The following GBE1 variants were observed in gnomAD, a reference collection of about 807,000 sequenced individuals.
The protein encoded by GBE1 is 1,4-alpha-glucan-branching enzyme.
A neutral mutation model predicts 88.8 loss-of-function variants in GBE1; 70 were observed. That is an observed-to-expected ratio of 0.79 (90% CI 0.65 to 0.96). The LOEUF is 0.96. GBE1 is among the 40% of genes least tolerant of loss of function. GBE1 has a pLI of 0.00. For synonymous variants in GBE1, 284 were observed against 300.1 expected, an observed-to-expected ratio of 0.95 and a Z score of 0.56; for missense variants, 872 against 871.0, an observed-to-expected ratio of 1.00 and a Z score of -0.01.
chr3:81,584,901 G>A (rs1703780868), intron 10 of GBE1, among the ~76,000 whole-genome samples: 1 of 151,916 alleles, frequency 6.6e-6, no homozygotes, highest in South Asian at 2.1e-4. Flanking sequence ...CTTTTAGCAG[G>A]AGGTTAAAAA....
At position 81,547,902 on chromosome 3, in the gene GBE1, C is replaced by T. The variant is rs139730389; in HGVS notation, c.1619-10807G>A. 3.0e-3 allele frequency among the ~76,000 whole-genome samples: 453 copies of T among 151,368 alleles called. 13 individuals carry two copies. The highest frequency in any genetic ancestry group is 5.6e-3 in the South Asian group (27 of 4,818). On this transcript the variant is annotated intron_variant, in intron 12 of 15. Coordinates refer to ENST00000429644, the MANE Select transcript of GBE1 (RefSeq NM_000158.4). ...GTTCAAAATGGCCCAGAAAACTGGT[C>T]GGTTACAAACTTCGCTGCAGGTCCC...
intron 15 of GBE1, among the ~76,000 whole-genome samples, chr3:81,493,049 T>A (rs1308877059): frequency 1.3e-5 from 2 of 152,166 alleles, no homozygotes; most frequent in African/African-American, 4.8e-5. Context: ...GTCTACATAT[T>A]TCATTTTGGG....
intron 12 of GBE1, among the ~76,000 whole-genome samples, chr3:81,576,807 G>A (rs899503196): frequency 1.3e-5 from 2 of 152,012 alleles, no homozygotes; most frequent in Non-Finnish European, 2.9e-5. Flanking sequence ...AAAGGTACAG[G>A]TAGTATACGT....
chr3:81,709,915 CTA>C (rs1159226277), intron 1 of GBE1, among the ~76,000 whole-genome samples: 1 of 152,100 alleles, frequency 6.6e-6, no homozygotes. Flanking sequence ...TATTTAAAAA[CTA>C]GGTCAAATTT....
chr3:81,660,559 C>T (rs918097310), intron 3 of GBE1, among the ~76,000 whole-genome samples: 4 of 151,882 alleles, frequency 2.6e-5, no homozygotes, highest in African/African-American at 9.7e-5. Context: ...GGGGAATATT[C>T]GTAAGATGAG....
rs138070815 is a variant in GBE1, at chr3:81,678,292, G to A, written c.314-7339C>T. 4.4e-3 allele frequency among the ~76,000 whole-genome samples: 667 copies of A among 152,150 alleles called. 8 individuals carry two copies. Among genetic ancestry groups the A allele is most frequent in the African/African-American group, 0.014 (601 of 41,500 alleles). ...CAAAGTAAAGTATTATAATCCTATG[G>A]GACCACCTTTGTACACGCAGTCCCT... On this transcript the variant is annotated intron_variant, in intron 2 of 15. Transcript: ENST00000429644.
chr3:81,515,548 C>G (rs1255699384), intron 14 of GBE1, among the ~76,000 whole-genome samples: 1 of 151,378 alleles, frequency 6.6e-6, no homozygotes, highest in Admixed American at 6.6e-5. Context: ...AATTAATAAC[C>G]CTACAATAGC....
intron 12 of GBE1, among the ~76,000 whole-genome samples, chr3:81,563,537 A>C (rs1444871092): frequency 6.6e-6 from 1 of 152,086 alleles, no homozygotes; most frequent in Admixed American, 6.6e-5. Context: ...TCAAGGCTAG[A>C]ATTAATGCCC....
At chr3:81,640,354 T>G (rs1316054077) in intron 7 of GBE1, among the ~76,000 whole-genome samples, 18 of 151,972 alleles carry the variant, frequency 1.2e-4, no homozygotes, top group Admixed American at 1.2e-3. Flanking sequence ...CTAGACTAGC[T>G]TAGTCTTCCA....
chr3:81,760,700 T>G (rs766623309), intron 1 of GBE1, among the ~76,000 whole-genome samples: 1 of 152,182 alleles, frequency 6.6e-6, no homozygotes, highest in Non-Finnish European at 1.5e-5. Flanking sequence ...TAAAACGACA[T>G]TGGCCTGTAA....
chr3:81,657,053 G>A (rs1237709970), intron 3 of GBE1, among the ~76,000 whole-genome samples: 2 of 151,176 alleles, frequency 1.3e-5, no homozygotes, highest in Admixed American at 1.3e-4. Context: ...CTACTCGGGA[G>A]GCTGAAACAG....
chr3:81,529,202 A>G (rs1036303779), intron 14 of GBE1, among the ~76,000 whole-genome samples: 1 of 152,058 alleles, frequency 6.6e-6, no homozygotes, highest in African/African-American at 2.4e-5. Flanking sequence ...CTTAACTATG[A>G]TTGCAAAAAC....
At chr3:81,687,856 G>T (rs1316992820) in intron 2 of GBE1, among the ~76,000 whole-genome samples, 4 of 152,146 alleles carry the variant, frequency 2.6e-5, no homozygotes, top group Non-Finnish European at 4.4e-5. Flanking sequence ...ATCGTAGATC[G>T]AGACGCCCCA....
chr3:81,505,568 T>G (rs568970058), intron 14 of GBE1, among the ~76,000 whole-genome samples: 132 of 152,334 alleles, frequency 8.7e-4, no homozygotes, highest in African/African-American at 3.1e-3. Context: ...TTTATAAACA[T>G]AGCCAAATTA....
chr3:81,580,970 C>T (rs577530773), intron 11 of GBE1, among the ~76,000 whole-genome samples, 195 bp downstream of exon 11: 2 of 152,032 alleles, frequency 1.3e-5, no homozygotes, highest in South Asian at 4.2e-4. Context: ...TCTCCATCTA[C>T]AAATTTAACA....
intron 1 of GBE1, among the ~76,000 whole-genome samples, chr3:81,718,623 G>A (rs1161864073): frequency 1.3e-5 from 2 of 151,924 alleles, no homozygotes; most frequent in African/African-American, 4.8e-5. Context: ...CAATAAGTTT[G>A]TTTTGTTTGT....
intron 7 of GBE1, among the ~76,000 whole-genome samples, chr3:81,602,794 T>C (rs1704050765): frequency 6.6e-6 from 1 of 152,200 alleles, no homozygotes; most frequent in South Asian, 2.1e-4. Flanking sequence ...CCCTACATAA[T>C]GCTTAACTAT....
rs1290586284 is a variant in GBE1 at position 81,750,601 on chromosome 3, G to GTATATA, written c.143+10773_143+10774insTATATA. Among the ~76,000 whole-genome samples, 9 of 35,792 alleles carry GTATATA rather than the reference G, an allele frequency of 2.5e-4. 1 individual carries two copies. Among genetic ancestry groups the GTATATA allele is most frequent in the African/African-American group, 8.2e-4 (6 of 7,286 alleles). The allele number at this position is 35,792 out of a possible 152,430, so 23.5% of individuals were successfully genotyped here. A position where few individuals can be genotyped will look rare whatever the true frequency, so the allele number is the denominator to read the frequency against. Reference sequence around the variant, plus strand: ...CGTATATATATACGTATATATATATGTGTATATATATATATGTATATATAT... The same window carrying GTATATA: ...CGTATATATATACGTATATATATATGTATATATGTATATATATATATGTATATATAT... On this transcript the variant is annotated intron_variant, in intron 1 of 15. Coordinates refer to ENST00000429644, the MANE Select transcript of GBE1 (RefSeq NM_000158.4).
chr3:81,521,436 G>C (rs1195294827), intron 14 of GBE1, among the ~76,000 whole-genome samples: 1 of 151,506 alleles, frequency 6.6e-6, no homozygotes, highest in African/African-American at 2.4e-5. Flanking sequence ...AGAATATTTT[G>C]CTAAAGACAG....
Sources: allele counts gnomAD v4.1 joint callset (sites outside exome capture counted in the v4.1 genomes callset), GRCh38; gene constraint gnomAD v4.1.1; transcripts MANE v1.5; gene names NCBI Gene and HGNC (gene_info 2026-07-23, HGNC 2026-07-21).